Variants in GMDS observed in about 807,000 individuals in gnomAD.
GMDS encodes the protein GDP-mannose 4,6 dehydratase.
Under a neutral mutation model 49.9 loss-of-function variants are expected in GMDS, and 20 were observed. The observed-to-expected ratio is 0.40, with a 90% CI of 0.28 to 0.58. GMDS has a LOEUF of 0.58. Ranked by LOEUF, GMDS falls within the 20% of genes least tolerant of loss-of-function variation. The pLI is 0.42. For synonymous variants in GMDS, 177 were observed against 178.6 expected, an observed-to-expected ratio of 0.99 and a Z score of 0.07; for missense variants, 362 against 481.4, an observed-to-expected ratio of 0.75 and a Z score of 2.32.
chr6:1,750,249 T>A (rs919538930), intron 7 of GMDS, among the ~76,000 whole-genome samples: 6 of 152,244 alleles, frequency 3.9e-5, no homozygotes, highest in Non-Finnish European at 7.3e-5. Context: ...GAGTGTTGAA[T>A]GAAAATGTCC....
intron 7 of GMDS, among the ~76,000 whole-genome samples, chr6:1,749,924 T>G (rs940591812): frequency 3.3e-5 from 5 of 152,192 alleles, no homozygotes; most frequent in African/African-American, 1.2e-4. Context: ...CTTGAACTCC[T>G]GGACTCAAGT....
chr6:1,660,170 C>T (rs998420568), intron 9 of GMDS, among the ~76,000 whole-genome samples: 2 of 151,998 alleles, frequency 1.3e-5, no homozygotes, highest in African/African-American at 4.8e-5. Context: ...CCTGGAAAGC[C>T]CCTGCTGACC....
chr6:1,824,802 T>G (rs1771040910), intron 7 of GMDS, among the ~76,000 whole-genome samples: 1 of 152,246 alleles, frequency 6.6e-6, no homozygotes, highest in Non-Finnish European at 1.5e-5. Context: ...CAATATTTTT[T>G]AGCTGTTATT....
chr6:2,200,702 A>G (rs561294054), intron 1 of GMDS, among the ~76,000 whole-genome samples: 1 of 149,830 alleles, frequency 6.7e-6, no homozygotes, highest in Non-Finnish European at 1.5e-5. Context: ...ATGTTAGCAG[A>G]GAGGTGAAGG....
chr6:2,020,882 GTTAC>G (rs1022802743), intron 4 of GMDS, among the ~76,000 whole-genome samples: 1 of 152,176 alleles, frequency 6.6e-6, no homozygotes, highest in Admixed American at 6.5e-5. Context: ...CACATGCAGG[GTTAC>G]TTTAAAAACT....
chr6:1,997,609 C>T (rs1241234682), intron 4 of GMDS, among the ~76,000 whole-genome samples: 2 of 152,006 alleles, frequency 1.3e-5, no homozygotes, highest in Non-Finnish European at 2.9e-5. Flanking sequence ...CTCCTCAACC[C>T]CTGTGGTGGC....
At chr6:2,054,161 C>T (rs1410368073) in intron 4 of GMDS, among the ~76,000 whole-genome samples, 3 of 151,980 alleles carry the variant, frequency 2.0e-5, no homozygotes, top group Non-Finnish European at 4.4e-5. Flanking sequence ...TTCTTCAGCC[C>T]GAAATGTAAC....
At chr6:2,143,963 A>G (rs1233663675) in intron 1 of GMDS, among the ~76,000 whole-genome samples, 1 of 152,032 alleles carries the variant, frequency 6.6e-6, no homozygotes, top group Non-Finnish European at 1.5e-5. Context: ...AAGGTTACAG[A>G]GATGCCTTGC....
intron 7 of GMDS, among the ~76,000 whole-genome samples, chr6:1,750,464 A>G (rs1247231910): frequency 6.6e-6 from 1 of 152,128 alleles, no homozygotes; most frequent in Non-Finnish European, 1.5e-5. Context: ...ATTCCCTCAC[A>G]TGGGAAGCGC....
intron 9 of GMDS, among the ~76,000 whole-genome samples, chr6:1,723,709 A>T (rs2113433068): frequency 6.6e-6 from 1 of 152,158 alleles, no homozygotes; most frequent in South Asian, 2.1e-4. Context: ...CTGATCGGTG[A>T]AAGCACTTTT....
chr6:1,729,393 C>T (rs1419420223), intron 8 of GMDS, among the ~76,000 whole-genome samples: 2 of 152,224 alleles, frequency 1.3e-5, no homozygotes, highest in Non-Finnish European at 2.9e-5. Flanking sequence ...ATGCTGTCTA[C>T]AGTCAAAACA....
At chr6:1,815,847 C>G (rs1770642932) in intron 7 of GMDS, among the ~76,000 whole-genome samples, 1 of 152,182 alleles carries the variant, frequency 6.6e-6, no homozygotes, top group African/African-American at 2.4e-5. Context: ...ACACCTTATC[C>G]TGATGTCAAT....
intron 9 of GMDS, among the ~76,000 whole-genome samples, chr6:1,699,486 C>T (rs779894845): frequency 5.9e-5 from 9 of 152,180 alleles, no homozygotes; most frequent in South Asian, 2.1e-4. Context: ...GATCCTCTTA[C>T]GTTCTTGGTG....
At chr6:1,791,848 ATAAG>A (rs199914740) in intron 7 of GMDS, among the ~76,000 whole-genome samples, 663 of 152,336 alleles carry the variant, frequency 4.4e-3, no homozygotes, top group African/African-American at 0.014. Flanking sequence ...AATAGCATAT[ATAAG>A]TAATATAGAA....
intron 7 of GMDS, among the ~76,000 whole-genome samples, chr6:1,880,411 C>A (rs1336704859): frequency 6.6e-6 from 1 of 151,700 alleles, no homozygotes; most frequent in Non-Finnish European, 1.5e-5. Flanking sequence ...AGGCCCTGAT[C>A]GTGCCACTGA....
At position 1,906,960 on chromosome 6, in the gene GMDS, G is replaced by A. The variant is rs566433310; in HGVS notation, c.771+23143C>T. On this transcript the variant is annotated intron_variant, in intron 7 of 10. Transcript: ENST00000380815. ...ACACAGCCCCAGCCTCCGAGAGGAGGCAAGGGTGGATGGCACATGTTCCTC... is the reference window on the plus strand; with the variant it reads ...ACACAGCCCCAGCCTCCGAGAGGAGACAAGGGTGGATGGCACATGTTCCTC... Among the ~76,000 whole-genome samples, 15 of 152,298 alleles carry A rather than the reference G, an allele frequency of 9.8e-5. No individual in the cohort carries two copies. In the East Asian group the frequency reaches 2.3e-3, roughly 24 times the overall value.
At chr6:1,827,401 G>A (rs1286936834) in intron 7 of GMDS, among the ~76,000 whole-genome samples, 5 of 37,330 alleles carry the variant, frequency 1.3e-4, no homozygotes, top group Non-Finnish European at 1.9e-4. Context: ...ATATACACAC[G>A]TTTTGGAAAA....
intron 4 of GMDS, among the ~76,000 whole-genome samples, chr6:2,084,676 T>A (rs924232678): frequency 3.3e-5 from 5 of 152,080 alleles, no homozygotes; most frequent in Admixed American, 3.3e-4. Flanking sequence ...CCGGCTAATT[T>A]TTTGTATTTT....
chr6:1,726,631 A>T (rs1245146478), intron 8 of GMDS, 119 bp from the exon 9 acceptor site: 2 of 704,804 alleles, frequency 2.8e-6, no homozygotes, highest in South Asian at 3.3e-5. Flanking sequence ...CATTAACCAC[A>T]GCAGCACAGG....
Sources: allele counts gnomAD v4.1 joint callset (sites outside exome capture counted in the v4.1 genomes callset), GRCh38; gene constraint gnomAD v4.1.1; transcripts MANE v1.5; gene names NCBI Gene and HGNC (gene_info 2026-07-23, HGNC 2026-07-21).